The following RGS5 variants were observed in gnomAD, a reference collection of about 807,000 sequenced individuals.
The protein encoded by RGS5 is regulator of G protein signaling 5, also known as regulator of G-protein signalling 5.
A neutral mutation model predicts 18.9 loss-of-function variants in RGS5; 20 were observed. The observed-to-expected ratio is 1.06, with a 90% confidence interval of 0.74 to 1.54. The LOEUF is 1.54. Ranked by LOEUF, RGS5 falls within the 40% of genes most tolerant of loss-of-function variation. RGS5 has a pLI of 0.00. For missense variants in RGS5, 201 were observed against 211.8 expected (o/e 0.95, Z 0.32); for synonymous variants, 57 against 76.2 (o/e 0.75, Z 1.31).
intron 2 of RGS5, among the ~76,000 whole-genome samples, chr1:163,243,440 G>A (rs1271412845): frequency 1.3e-5 from 2 of 152,060 alleles, no homozygotes; most frequent in African/African-American, 2.4e-5. Flanking sequence ...GAGATCAGGA[G>A]ATCGAGACCA....
intron 1 of RGS5, among the ~76,000 whole-genome samples, chr1:163,190,602 AT>A (rs1307533097): frequency 3.3e-5 from 5 of 152,056 alleles, no homozygotes; most frequent in Non-Finnish European, 5.9e-5. Flanking sequence ...ACAATACCCT[AT>A]AAACAGTGCT....
At chr1:163,208,296 C>T (rs1229344296) in intron 1 of RGS5, among the ~76,000 whole-genome samples, 64 of 119,532 alleles carry the variant, frequency 5.4e-4, no homozygotes, top group African/African-American at 1.9e-3. Context: ...TGCAGTGAGC[C>T]GAGATCCCGC....
At chr1:163,224,949 T>C (rs1647301615) in intron 2 of RGS5, among the ~76,000 whole-genome samples, 1 of 152,198 alleles carries the variant, frequency 6.6e-6, no homozygotes, top group South Asian at 2.1e-4. Flanking sequence ...GATACATAGT[T>C]TGTAAATATT....
At chr1:163,177,688 C>T (rs1658616498) in intron 1 of RGS5, among the ~76,000 whole-genome samples, 1 of 152,178 alleles carries the variant, frequency 6.6e-6, no homozygotes, top group Non-Finnish European at 1.5e-5. Context: ...AGTCACCCCT[C>T]TCCACGGCAA....
chr1:163,316,166 G>T (rs974439515), intron 1 of RGS5, among the ~76,000 whole-genome samples: 1 of 152,078 alleles, frequency 6.6e-6, no homozygotes, highest in Non-Finnish European at 1.5e-5. Flanking sequence ...GTTAAGATGT[G>T]CTTTCTGATA....
At chr1:163,174,975 C>G (rs1218559555) in intron 1 of RGS5, among the ~76,000 whole-genome samples, 1 of 152,084 alleles carries the variant, frequency 6.6e-6, no homozygotes, top group Non-Finnish European at 1.5e-5. Context: ...AATTTAAATC[C>G]GTGTCGCAGA....
intron 2 of RGS5, among the ~76,000 whole-genome samples, chr1:163,291,533 T>C (rs193136159): frequency 9.1e-4 from 138 of 152,322 alleles, no homozygotes; most frequent in Non-Finnish European, 1.6e-4. Flanking sequence ...GGTCACAAGA[T>C]ATGCAACTTC....
intron 1 of RGS5, among the ~76,000 whole-genome samples, chr1:163,217,251 A>T (rs1244594373): frequency 6.6e-6 from 1 of 152,204 alleles, no homozygotes; most frequent in Non-Finnish European, 1.5e-5. Context: ...TTAAAAAAAT[A>T]AAAAGACTCA....
chr1:163,191,940 A>G (rs1337511009), intron 1 of RGS5, among the ~76,000 whole-genome samples: 1 of 152,156 alleles, frequency 6.6e-6, no homozygotes, highest in Non-Finnish European at 1.5e-5. Flanking sequence ...TCTAAAATGC[A>G]GGGTTCAGAG....
chr1:163,225,677 C>A (rs922140257), intron 2 of RGS5, among the ~76,000 whole-genome samples: 1 of 151,790 alleles, frequency 6.6e-6, no homozygotes, highest in Non-Finnish European at 1.5e-5. Context: ...ACACTTGATA[C>A]CCTGAGGCAC....
intron 1 of RGS5, among the ~76,000 whole-genome samples, chr1:163,191,412 T>C (rs1218519650): frequency 6.6e-6 from 1 of 151,898 alleles, no homozygotes. Context: ...GAACACACAG[T>C]ATAGCCTGTA....
intron 2 of RGS5, among the ~76,000 whole-genome samples, chr1:163,277,678 C>G (rs1246603253): frequency 6.6e-6 from 1 of 152,166 alleles, no homozygotes; most frequent in African/African-American, 2.4e-5. Flanking sequence ...TTCATTGTCT[C>G]TGGGTCTCTT....
chr1:163,286,051 T>C (rs1402617975), intron 2 of RGS5, among the ~76,000 whole-genome samples: 1 of 151,776 alleles, frequency 6.6e-6, no homozygotes, highest in East Asian at 1.9e-4. Flanking sequence ...TATATATATA[T>C]ACAGTCAGTC....
intron 1 of RGS5, among the ~76,000 whole-genome samples, chr1:163,168,843 T>C (rs532160116): frequency 2.6e-5 from 4 of 152,068 alleles, no homozygotes; most frequent in African/African-American, 9.7e-5. Flanking sequence ...ATATATGACA[T>C]TTGGAAAAAA....
chr1:163,221,072 G>A (rs559621610), upstream of RGS5, among the ~76,000 whole-genome samples: 2 of 152,262 alleles, frequency 1.3e-5, no homozygotes, highest in African/African-American at 4.8e-5. Context: ...TCTTTTTGGT[G>A]AATTATATCA....
upstream of RGS5, among the ~76,000 whole-genome samples, chr1:163,220,415 G>A (rs151221473): frequency 3.6e-4 from 55 of 152,166 alleles, no homozygotes; most frequent in African/African-American, 1.3e-3. Context: ...TCAGAATCAC[G>A]TGTGTGTTGC....
intron 2 of RGS5, among the ~76,000 whole-genome samples, chr1:163,273,027 T>C (rs1226469492): frequency 1.3e-5 from 2 of 152,120 alleles, no homozygotes; most frequent in Non-Finnish European, 2.9e-5. Flanking sequence ...GATTTCCATA[T>C]ACTTGACATT....
chr1:163,173,896 A>G (rs757965271), intron 1 of RGS5, among the ~76,000 whole-genome samples: 14 of 152,116 alleles, frequency 9.2e-5, no homozygotes, highest in Non-Finnish European at 1.3e-4. Context: ...CAAGATGGTG[A>G]AACCCCATCT....
rs576431834 is a variant in RGS5, at chr1:163,182,021, G to A, written c.45-13653C>T. Among the ~76,000 whole-genome samples the A allele has an allele frequency of 1.4e-4, 21 of 152,152 alleles. No individual in the cohort carries two copies. In the South Asian group the frequency reaches 4.4e-3, roughly 32 times the overall value. ...TTAATGCATTAATAGGTTTAGCATG[G>A]AACTTGGTGTATAGTATTATAAATA... On this transcript the variant is annotated intron_variant, in intron 1 of 4. Coordinates refer to ENST00000313961, the MANE Select transcript of RGS5 (RefSeq NM_003617.4).
Sources: gnomAD v4.1 joint callset for allele counts (sites outside exome capture counted in the v4.1 genomes callset) on GRCh38, gnomAD v4.1.1 for gene constraint, MANE v1.5 for transcripts, NCBI Gene and HGNC (gene_info 2026-07-23, HGNC 2026-07-21) for gene names.